The following RANBP2 variants were observed in gnomAD, a reference collection of about 807,000 sequenced individuals.
The protein encoded by RANBP2 is RAN binding protein 2, also known as E3 SUMO-protein ligase RanBP2.
RANBP2 carries 57 observed loss-of-function variants against 303.6 expected under a neutral mutation model. That is an observed-to-expected ratio of 0.19 (90% CI 0.15 to 0.23). RANBP2 has a LOEUF of 0.23. RANBP2 is among the 10% of genes least tolerant of loss of function. RANBP2 has a pLI of 1.00. For missense variants in RANBP2, 3,138 were observed against 3,780.8 expected (o/e 0.83, Z 4.46); for synonymous variants, 1,167 against 1,301.5 (o/e 0.90, Z 2.23).
chr2:109,213,682 T>C, the RANBP2 span, among the ~76,000 whole-genome samples: 1 of 152,210 alleles, frequency 6.6e-6, no homozygotes, highest in African/African-American at 2.4e-5. Context: ...CAGGTCAAGA[T>C]GGCTTCATCT....
chr2:109,166,611 T>G, the RANBP2 span, among the ~76,000 whole-genome samples: 1 of 152,188 alleles, frequency 6.6e-6, no homozygotes, highest in East Asian at 1.9e-4. Context: ...GAAAATATTT[T>G]GAGACATTCC....
At chr2:109,106,662 C>T in the RANBP2 span, among the ~76,000 whole-genome samples, 6 of 151,994 alleles carry the variant, frequency 3.9e-5, no homozygotes, top group African/African-American at 1.4e-4. Context: ...CGGTGAAACC[C>T]CGTCTCTACC....
At chr2:109,045,977 A>T in the RANBP2 span, among the ~76,000 whole-genome samples, 1 of 152,126 alleles carries the variant, frequency 6.6e-6, no homozygotes, top group Non-Finnish European at 1.5e-5. Context: ...TGCAGGCCTC[A>T]GTCCTTAAAT....
At chr2:109,082,239 G>A in the RANBP2 span, among the ~76,000 whole-genome samples, 2 of 152,202 alleles carry the variant, frequency 1.3e-5, no homozygotes, top group African/African-American at 4.8e-5. Flanking sequence ...CCCAAGGTTA[G>A]GATTCCAGGA....
At chr2:109,039,816 T>A in the RANBP2 span, among the ~76,000 whole-genome samples, 1 of 152,196 alleles carries the variant, frequency 6.6e-6, no homozygotes, top group Non-Finnish European at 1.5e-5. Context: ...TTTTTCTATT[T>A]GTTATGTGTA....
chr2:109,061,050 A>G, the RANBP2 span, among the ~76,000 whole-genome samples: 1 of 151,980 alleles, frequency 6.6e-6, no homozygotes, highest in Non-Finnish European at 1.5e-5. Flanking sequence ...GATATGAAGA[A>G]ACCTATTTGT....
At chr2:109,327,635 C>A in the RANBP2 span, among the ~76,000 whole-genome samples, 1 of 152,116 alleles carries the variant, frequency 6.6e-6, no homozygotes, top group Non-Finnish European at 1.5e-5. Context: ...TTATTTAGGC[C>A]ATCTTTAATA....
chr2:108,921,913 G>T, the RANBP2 span, among the ~76,000 whole-genome samples: 2 of 152,352 alleles, frequency 1.3e-5, no homozygotes, highest in African/African-American at 4.8e-5. Context: ...GGATTCTAAG[G>T]CCCTACCCCG....
the RANBP2 span, chr2:108,930,879 C>T: frequency 4.8e-6 from 7 of 1,451,428 alleles, no homozygotes; most frequent in African/African-American, 1.4e-5. Flanking sequence ...TCAGCATTCC[C>T]ATTTTACAGC....
At chr2:109,115,303 A>T in the RANBP2 span, among the ~76,000 whole-genome samples, 3 of 151,882 alleles carry the variant, frequency 2.0e-5, no homozygotes, top group Non-Finnish European at 2.9e-5. Flanking sequence ...GCTTTATGAA[A>T]CTGGGTGCTC....
chr2:109,046,551 T>G, the RANBP2 span, among the ~76,000 whole-genome samples: 4 of 150,502 alleles, frequency 2.7e-5, no homozygotes, highest in Non-Finnish European at 4.4e-5. Context: ...GGATTAGAGG[T>G]GCCCGCCACC....
chr2:109,145,101 G>C, the RANBP2 span, among the ~76,000 whole-genome samples: 4 of 152,214 alleles, frequency 2.6e-5, no homozygotes, highest in Non-Finnish European at 5.9e-5. Context: ...AGTCATCTCT[G>C]AGTCTTCCCT....
the RANBP2 span, chr2:109,130,146 C>T: frequency 1.6e-6 from 2 of 1,277,350 alleles, no homozygotes; most frequent in Non-Finnish European, 2.0e-6. Flanking sequence ...GTGGCCACGG[C>T]ACGTGGGAGT....
At chr2:109,731,568 T>A in the RANBP2 span, among the ~76,000 whole-genome samples, 1 of 151,998 alleles carries the variant, frequency 6.6e-6, no homozygotes, top group African/African-American at 2.4e-5. Context: ...CTAATTTTTG[T>A]ATTTTTAGTA....
chr2:109,478,719 G>A, the RANBP2 span, among the ~76,000 whole-genome samples: 2 of 152,156 alleles, frequency 1.3e-5, no homozygotes, highest in Admixed American at 6.5e-5. Flanking sequence ...GTCTGAGCTC[G>A]TAGGTAAGAT....
chr2:109,136,843 CG>C, the RANBP2 span, among the ~76,000 whole-genome samples: 1 of 152,124 alleles, frequency 6.6e-6, no homozygotes, highest in Non-Finnish European at 1.5e-5. Flanking sequence ...ATGCTTGCAC[CG>C]GGGCACCTGT....
chr2:109,430,972 C>A, the RANBP2 span, among the ~76,000 whole-genome samples: 1 of 152,152 alleles, frequency 6.6e-6, no homozygotes, highest in African/African-American at 2.4e-5. Context: ...GAGGGCCTTG[C>A]TATGTAGGAT....
rs1290510609 is a variant in RANBP2, at chr2:108,751,778, T to C, written c.1631+75T>C. Reference sequence around the variant, plus strand: ...CGGGGATTTAATCCTCATGTGAAGATTTAATTTGTCATGTGACCCATTAAC... The same window carrying C: ...CGGGGATTTAATCCTCATGTGAAGACTTAATTTGTCATGTGACCCATTAAC... On this transcript the variant is annotated intron_variant, in intron 11 of 28. Transcript: ENST00000283195. 6.8e-6 allele frequency: 11 copies of C among 1,611,928 alleles called. No homozygotes were observed. The East Asian group carries it at 2.0e-4, about 29-fold the overall frequency.
At chr2:109,120,667 CAAAAAAAAAAA>C in the RANBP2 span, among the ~76,000 whole-genome samples, 1 of 59,894 alleles carries the variant, frequency 1.7e-5, no homozygotes, top group African/African-American at 6.5e-5. Flanking sequence ...AACTCCGTCT[CAAAAAAAAAAA>C]AAAAAAAAAA....
Sources: allele counts gnomAD v4.1 joint callset (sites outside exome capture counted in the v4.1 genomes callset), GRCh38; gene constraint gnomAD v4.1.1; transcripts MANE v1.5; gene names NCBI Gene and HGNC (gene_info 2026-07-23, HGNC 2026-07-21).